The following AGBL4 variants were observed in gnomAD, a reference collection of about 807,000 sequenced individuals.
AGBL4 encodes the protein AGBL carboxypeptidase 4.
A neutral mutation model predicts 66.4 loss-of-function variants in AGBL4; 58 were observed. The observed-to-expected ratio is 0.87, with a 90% CI of 0.71 to 1.09. AGBL4 has a LOEUF of 1.09. Among genes scored for constraint, AGBL4 ranks in the 50% least tolerant of loss-of-function variants. The probability of loss-of-function intolerance (pLI) is 0.00; values close to 1 mark genes in which losing one functional copy is unlikely to be tolerated. For synonymous variants in AGBL4, 234 were observed against 222.9 expected (o/e 1.05, Z -0.44); for missense variants, 579 against 631.0 (o/e 0.92, Z 0.88).
chr1:48,931,528 C>CT (rs1459263879), intron 5 of AGBL4, among the ~76,000 whole-genome samples: 16 of 151,344 alleles, frequency 1.1e-4, no homozygotes, highest in Admixed American at 5.9e-4. Context: ...CTTTCTCTCT[C>CT]TTTTTTTTTG....
chr1:48,767,514 G>A (rs1476966736), intron 6 of AGBL4, among the ~76,000 whole-genome samples: 2 of 152,192 alleles, frequency 1.3e-5, no homozygotes. Context: ...AGAACACAGG[G>A]TGACAAGAAG....
intron 6 of AGBL4, among the ~76,000 whole-genome samples, chr1:48,711,146 C>T (rs1488736687): frequency 6.6e-6 from 1 of 152,144 alleles, no homozygotes; most frequent in Admixed American, 6.5e-5. Flanking sequence ...CAGCCCAGCC[C>T]ATGGTCAGCA....
At chr1:49,711,937 C>G (rs1168762954) in intron 2 of AGBL4, among the ~76,000 whole-genome samples, 2 of 151,930 alleles carry the variant, frequency 1.3e-5, no homozygotes, top group Non-Finnish European at 2.9e-5. Context: ...CACTTAATAG[C>G]TTTGTTTCTT....
intron 3 of AGBL4, among the ~76,000 whole-genome samples, chr1:49,471,292 T>C (rs560900904): frequency 7.2e-5 from 11 of 152,128 alleles, no homozygotes; most frequent in Admixed American, 6.5e-4. Flanking sequence ...AAACACTAGA[T>C]TTTTGTCCCC....
chr1:48,867,210 G>C lies in AGBL4; in HGVS notation c.615C>G (p.Leu205=). Residue 205 remains leucine, a synonymous_variant, in exon 6 of 14, where the codon CTC becomes CTG. Transcript: ENST00000371839. ...GQSVQQRKLD[L]LTITSPDNLR... The stretch of plus-strand genomic sequence containing the variant: ...ACTCACCAGGGCTGGTTATCGTCAG[G>C]AGGTCAAGCTTTCGTTGTTGCTGCA... The C allele has an allele frequency of 1.2e-6, 2 of 1,613,638 alleles. No homozygotes were observed. Among genetic ancestry groups the C allele is most frequent in the Non-Finnish European group, 1.7e-6 (2 of 1,179,770 alleles).
intron 6 of AGBL4, among the ~76,000 whole-genome samples, chr1:48,745,133 G>A (rs1029764949): frequency 3.9e-5 from 6 of 152,174 alleles, no homozygotes; most frequent in Admixed American, 2.6e-4. Context: ...GTAGGGAAGC[G>A]CCTGGCACAT....
At chr1:49,806,930 G>A (rs1475849345) in intron 2 of AGBL4, among the ~76,000 whole-genome samples, 1 of 152,142 alleles carries the variant, frequency 6.6e-6, no homozygotes, top group East Asian at 1.9e-4. Context: ...CCCCTCTAGA[G>A]GACACAGACA....
At chr1:49,003,385 C>T (rs930296584) in intron 5 of AGBL4, among the ~76,000 whole-genome samples, 4 of 151,190 alleles carry the variant, frequency 2.6e-5, no homozygotes, top group South Asian at 2.1e-4. Context: ...GCAACAAGAG[C>T]GAAACTCTAT....
intron 5 of AGBL4, among the ~76,000 whole-genome samples, chr1:48,885,354 G>T (rs892811593): frequency 1.3e-5 from 2 of 152,144 alleles, no homozygotes; most frequent in Non-Finnish European, 2.9e-5. Context: ...GGCAGAGATT[G>T]TTTGACCTGC....
chr1:49,080,656 T>A (rs1474360065), intron 4 of AGBL4, among the ~76,000 whole-genome samples: 1 of 152,192 alleles, frequency 6.6e-6, no homozygotes, highest in Non-Finnish European at 1.5e-5. Context: ...ATGGAATATA[T>A]GCTCCTTACC....
intron 5 of AGBL4, among the ~76,000 whole-genome samples, chr1:48,999,490 G>C (rs927778275): frequency 6.6e-6 from 1 of 152,128 alleles, no homozygotes; most frequent in Non-Finnish European, 1.5e-5. Flanking sequence ...CTTAATGAAG[G>C]GGATGCAGCT....
chr1:48,602,297 T>C (rs1235471832), intron 9 of AGBL4, among the ~76,000 whole-genome samples: 1 of 152,204 alleles, frequency 6.6e-6, no homozygotes, highest in Non-Finnish European at 1.5e-5. Flanking sequence ...CTCTCTGGAC[T>C]TCAATTTCCC....
At chr1:48,535,790 C>T (rs1236859784) in intron 12 of AGBL4, among the ~76,000 whole-genome samples, 2 of 152,020 alleles carry the variant, frequency 1.3e-5, no homozygotes, top group East Asian at 1.9e-4. Flanking sequence ...AAATACTTGC[C>T]AGATTTGGTA....
chr1:49,552,192 G>A (rs935201133), intron 3 of AGBL4, among the ~76,000 whole-genome samples: 4 of 152,134 alleles, frequency 2.6e-5, no homozygotes, highest in Admixed American at 1.3e-4. Flanking sequence ...CAGGCAGTGG[G>A]TGAGCCAGGC....
intron 3 of AGBL4, among the ~76,000 whole-genome samples, chr1:49,654,939 T>G (rs533604332): frequency 6.6e-6 from 1 of 152,204 alleles, no homozygotes; most frequent in Admixed American, 6.5e-5. Context: ...GTTCATATTG[T>G]TATGTGTGAA....
chr1:49,980,191 C>T (rs532126821), intron 1 of AGBL4, among the ~76,000 whole-genome samples: 34 of 152,036 alleles, frequency 2.2e-4, no homozygotes, highest in African/African-American at 7.0e-4. Flanking sequence ...GGGCTGTCAG[C>T]GCCTCTAACC....
chr1:49,279,173 G>A (rs770860584), intron 3 of AGBL4, among the ~76,000 whole-genome samples: 4 of 152,236 alleles, frequency 2.6e-5, no homozygotes, highest in African/African-American at 7.2e-5. Flanking sequence ...AGATAATCAC[G>A]TTTTTCTCAG....
intron 6 of AGBL4, chr1:48,818,277 T>C: frequency 1.4e-6 from 1 of 717,238 alleles, no homozygotes; most frequent in Non-Finnish European, 2.6e-6. Flanking sequence ...ATTATCTCCG[T>C]GGCATCTACT....
chr1:49,368,655 G>A (rs1192687592), intron 3 of AGBL4, among the ~76,000 whole-genome samples: 1 of 152,066 alleles, frequency 6.6e-6, no homozygotes, highest in Non-Finnish European at 1.5e-5. Context: ...TACATTCCTG[G>A]CTCTTTCTGT....
Sources: allele counts gnomAD v4.1 joint callset (sites outside exome capture counted in the v4.1 genomes callset), GRCh38; gene constraint gnomAD v4.1.1; transcripts MANE v1.5; gene names NCBI Gene and HGNC (gene_info 2026-07-23, HGNC 2026-07-21).